AGPAT3: variants seen among roughly 807,000 people sequenced by gnomAD.
The protein encoded by AGPAT3 is 1-acyl-sn-glycerol-3-phosphate acyltransferase gamma.
Under a neutral mutation model 47.3 loss-of-function variants are expected in AGPAT3, and 5 were observed. The observed-to-expected ratio is 0.11, with a 90% CI of 0.06 to 0.22. AGPAT3 has a LOEUF of 0.22. Among genes scored for constraint, AGPAT3 ranks in the 10% least tolerant of loss-of-function variants. The pLI, the probability that AGPAT3 is intolerant of heterozygous loss-of-function variation, is 1.00. For synonymous variants in AGPAT3, 212 were observed against 208.3 expected (o/e 1.02, Z -0.15); for missense variants, 315 against 493.0 (o/e 0.64, Z 3.42).
chr21:43,961,748 G>C (rs572511811), intron 3 of AGPAT3, among the ~76,000 whole-genome samples: 7 of 151,036 alleles, frequency 4.6e-5, no homozygotes, highest in East Asian at 4.0e-4. Flanking sequence ...CGGTGAGCGC[G>C]TATACACTTT....
intron 1 of AGPAT3, among the ~76,000 whole-genome samples, chr21:43,889,236 C>A (rs1038079583): frequency 1.3e-5 from 2 of 151,286 alleles, no homozygotes; most frequent in African/African-American, 2.4e-5. Context: ...AGGGTCCTCA[C>A]CAAAGGGAAA....
intron 3 of AGPAT3, chr21:43,960,497 G>A (rs1049487875): frequency 1.3e-5 from 2 of 154,092 alleles, no homozygotes; most frequent in Admixed American, 1.3e-4. Flanking sequence ...GCCGTCAACA[G>A]TTTAAGTGGT....
chr21:43,884,050 A>G (rs1258299282), intron 1 of AGPAT3, among the ~76,000 whole-genome samples: 1 of 152,074 alleles, frequency 6.6e-6, no homozygotes, highest in Non-Finnish European at 1.5e-5. Flanking sequence ...TCTGTTTGTG[A>G]TGGGTGTAAG....
At chr21:43,931,934 TGTGTG>T (rs2087260235) in intron 2 of AGPAT3, among the ~76,000 whole-genome samples, 1 of 78,696 alleles carries the variant, frequency 1.3e-5, no homozygotes, top group Non-Finnish European at 3.3e-5. Context: ...TGTGTGTGTG[TGTGTG>T]TGTGTGTGTG....
At chr21:43,959,068 G>GTGTGTGGTTTGTGGTGTGTGTGTGGCA (rs2088664211) in intron 2 of AGPAT3, among the ~76,000 whole-genome samples, 1 of 53,042 alleles carries the variant, frequency 1.9e-5, no homozygotes, top group African/African-American at 1.1e-4. Context: ...GGTATGCGTG[G>GTGTGTGGTTTGTGGTGTGTGTGTGGCA]TGTGTGTGGT....
At chr21:43,905,480 G>A (rs1246416303) in intron 2 of AGPAT3, among the ~76,000 whole-genome samples, 1 of 152,036 alleles carries the variant, frequency 6.6e-6, no homozygotes, top group African/African-American at 2.4e-5. Context: ...GAGCCACTGC[G>A]CCCGGCCTAG....
chr21:43,973,715 C>T (rs551066958), intron 7 of AGPAT3, among the ~76,000 whole-genome samples: 158 of 152,388 alleles, frequency 1.0e-3, no homozygotes, highest in Non-Finnish European at 1.5e-3. Flanking sequence ...TGTCCCCGCG[C>T]GCCCCTGCAG....
At chr21:43,948,094 A>G (rs1003120239) in intron 2 of AGPAT3, 1 of 152,214 alleles carries the variant, frequency 6.6e-6, no homozygotes, top group African/African-American at 2.4e-5. Flanking sequence ...GTTTTTGGCC[A>G]AAGGTAACAG....
chr21:43,927,354 T>G (rs555111551), intron 2 of AGPAT3, among the ~76,000 whole-genome samples: 6 of 152,216 alleles, frequency 3.9e-5, no homozygotes, highest in Non-Finnish European at 8.8e-5. Context: ...GAGTGTTTTT[T>G]GCTTGAAATG....
intron 1 of AGPAT3, among the ~76,000 whole-genome samples, chr21:43,874,793 G>A (rs567057249): frequency 6.6e-5 from 10 of 152,268 alleles, no homozygotes; most frequent in African/African-American, 2.4e-4. Flanking sequence ...TGAAGATAAA[G>A]TATCATGTCT....
At chr21:43,919,577 C>G (rs1347512657) in intron 2 of AGPAT3, among the ~76,000 whole-genome samples, 1 of 152,224 alleles carries the variant, frequency 6.6e-6, no homozygotes, top group Admixed American at 6.5e-5. Flanking sequence ...TGTATCCTTG[C>G]AATTGCAAGT....
intron 1 of AGPAT3, among the ~76,000 whole-genome samples, chr21:43,869,245 C>G (rs549285019): frequency 6.6e-6 from 1 of 152,312 alleles, no homozygotes; most frequent in South Asian, 2.1e-4. Flanking sequence ...TGTTTATTGA[C>G]TCCTCATGTG....
At chr21:43,980,937 A>G in intron 8 of AGPAT3, 52 bp from the exon 9 acceptor site, 1 of 1,531,816 alleles carries the variant, frequency 6.5e-7, no homozygotes, top group Non-Finnish European at 9.0e-7. Flanking sequence ...GCATTGAAAT[A>G]ATAGCTTGTA....
chr21:43,944,657 G>A (rs999917695), intron 2 of AGPAT3, among the ~76,000 whole-genome samples: 5 of 152,230 alleles, frequency 3.3e-5, no homozygotes, highest in African/African-American at 9.7e-5. Context: ...GCAGGGGGAC[G>A]GCTGTGCTCG....
At chr21:43,929,367 C>T (rs1003429032) in intron 2 of AGPAT3, among the ~76,000 whole-genome samples, 18 of 152,238 alleles carry the variant, frequency 1.2e-4, no homozygotes, top group African/African-American at 2.4e-5. Flanking sequence ...GACACTCTGT[C>T]AGCCGCTCCC....
In AGPAT3 at chr21:43,894,220, T is replaced by TC. The variant is rs199715761; in HGVS notation, c.-111-9737_-111-9736insC. The stretch of plus-strand genomic sequence containing the variant: ...CCAGGTATTTCTTTCTTTCTTTCTT[T>TC]TTTTTTTTTTTTTAACTTCTCTAAA... On this transcript the variant is annotated intron_variant, in intron 1 of 9. Transcript: ENST00000291572. Among the ~76,000 whole-genome samples, 997 of 147,716 alleles carry TC rather than the reference T, an allele frequency of 6.7e-3. 5 individuals are homozygous for TC. Among genetic ancestry groups the TC allele is most frequent in the African/African-American group, 0.021 (852 of 41,054 alleles).
chr21:43,935,592 G>A (rs543529143), intron 2 of AGPAT3, among the ~76,000 whole-genome samples: 11 of 152,378 alleles, frequency 7.2e-5, no homozygotes, highest in South Asian at 4.1e-4. Context: ...ACCTGAGGCC[G>A]GGCCCACAGA....
chr21:43,929,709 T>G (rs1263023492), intron 2 of AGPAT3, among the ~76,000 whole-genome samples: 1 of 152,056 alleles, frequency 6.6e-6, no homozygotes. Flanking sequence ...CTTACTGGGA[T>G]GGAGGGAGAA....
rs759116577 is a variant in AGPAT3 at position 43,980,978 on chromosome 21, G to A, written c.844-11G>A. ...GCCTCACGCTTCCTTTTTCTCTGTTGACTCTTCTAGGACGCGCTCCAGGAG... is the reference window on the plus strand; with the variant it reads ...GCCTCACGCTTCCTTTTTCTCTGTTAACTCTTCTAGGACGCGCTCCAGGAG... On this transcript the variant is annotated splice_polypyrimidine_tract_variant and intron_variant, in intron 8 of 9. Transcript: ENST00000291572. 1.3e-6 allele frequency: 2 copies of A among 1,586,670 alleles called. No individual in the cohort carries two copies. Among genetic ancestry groups the A allele is most frequent in the Admixed American group, 3.4e-5 (2 of 58,980 alleles).
Sources: gnomAD v4.1 joint callset for allele counts (sites outside exome capture counted in the v4.1 genomes callset) on GRCh38, gnomAD v4.1.1 for gene constraint, MANE v1.5 for transcripts, NCBI Gene and HGNC (gene_info 2026-07-23, HGNC 2026-07-21) for gene names.